RAD51B: variants seen among roughly 807,000 people sequenced by gnomAD.
RAD51B encodes RAD51 paralog B.
In RAD51B, 38 loss-of-function variants were observed where a neutral mutation model predicts 42.2. That is an observed-to-expected ratio of 0.90 (90% confidence interval 0.70 to 1.18). The LOEUF (loss-of-function observed/expected upper bound fraction) is 1.18. Among genes scored for constraint, RAD51B ranks in the 50% most tolerant of loss-of-function variants. RAD51B has a pLI of 0.00. For synonymous variants in RAD51B, 154 were observed against 145.2 expected (o/e 1.06, Z -0.43); for missense variants, 373 against 400.7 (o/e 0.93, Z 0.59).
intron 10 of RAD51B, among the ~76,000 whole-genome samples, chr14:68,621,591 G>A (rs975860875): frequency 5.3e-5 from 8 of 152,244 alleles, no homozygotes; most frequent in South Asian, 2.1e-4. Context: ...CTGGGGCAGA[G>A]CTAAGCTGGA....
At chr14:68,071,188 G>C (rs747759025) in intron 7 of RAD51B, among the ~76,000 whole-genome samples, 1 of 152,032 alleles carries the variant, frequency 6.6e-6, no homozygotes, top group African/African-American at 2.4e-5. Context: ...AGTTTCCCAG[G>C]TATAGTATCA....
At chr14:68,462,033 A>T (rs1392267077) in intron 9 of RAD51B, among the ~76,000 whole-genome samples, 1 of 152,230 alleles carries the variant, frequency 6.6e-6, no homozygotes, top group African/African-American at 2.4e-5. Context: ...GCCCTAGAGA[A>T]GGGAACAGAG....
chr14:68,363,068 A>G (rs977250460), intron 8 of RAD51B, among the ~76,000 whole-genome samples: 3 of 152,204 alleles, frequency 2.0e-5, no homozygotes, highest in African/African-American at 7.2e-5. Context: ...GAACCCAGCT[A>G]CTTTCAAATC....
chr14:68,595,708 A>T (rs779184604), exon 11 of RAD51B: 2 of 796,074 alleles, frequency 2.5e-6, no homozygotes, highest in Non-Finnish European at 1.6e-6. Flanking sequence ...CATCTATACG[A>T]TGGAATACTA....
At chr14:68,247,401 T>C (rs1160631743) in intron 7 of RAD51B, among the ~76,000 whole-genome samples, 1 of 152,236 alleles carries the variant, frequency 6.6e-6, no homozygotes, top group East Asian at 1.9e-4. Context: ...GCATGGTTAT[T>C]TTGTTTACCT....
intron 10 of RAD51B, among the ~76,000 whole-genome samples, chr14:68,560,600 G>A (rs531655847): frequency 2.0e-5 from 3 of 152,290 alleles, no homozygotes; most frequent in East Asian, 1.9e-4. Context: ...GCCGGGCATG[G>A]TGGTGAGCGC....
intron 7 of RAD51B, among the ~76,000 whole-genome samples, chr14:68,151,351 G>C (rs943679501): frequency 1.3e-5 from 2 of 150,964 alleles, no homozygotes; most frequent in Non-Finnish European, 3.0e-5. Flanking sequence ...TTTTCTCTTC[G>C]ATTTTGAGAA....
chr14:68,435,782 T>C (rs1315601188), intron 9 of RAD51B, among the ~76,000 whole-genome samples: 2 of 152,200 alleles, frequency 1.3e-5, no homozygotes, highest in Non-Finnish European at 2.9e-5. Context: ...TTAGTAATTT[T>C]GAGCATTTTT....
At chr14:68,332,045 C>G (rs916640119) in intron 8 of RAD51B, among the ~76,000 whole-genome samples, 2 of 152,086 alleles carry the variant, frequency 1.3e-5, no homozygotes, top group Non-Finnish European at 2.9e-5. Context: ...CAGCAAAACC[C>G]GACTTCCAAA....
chr14:68,249,483 A>G (rs1368607572), intron 7 of RAD51B, among the ~76,000 whole-genome samples: 3 of 152,218 alleles, frequency 2.0e-5, no homozygotes, highest in Non-Finnish European at 2.9e-5. Flanking sequence ...TGGAACCACA[A>G]TCGGATTTCA....
chr14:68,272,609 A>C, intron 7 of RAD51B, among the ~76,000 whole-genome samples: 1 of 104,884 alleles, frequency 9.5e-6, no homozygotes, highest in African/African-American at 3.8e-5. Context: ...ATGTTCTATT[A>C]CCATGGTATT....
intron 7 of RAD51B, among the ~76,000 whole-genome samples, chr14:68,193,948 G>A (rs1458248035): frequency 6.6e-6 from 1 of 152,128 alleles, no homozygotes; most frequent in Non-Finnish European, 1.5e-5. Context: ...ACACTCATTA[G>A]ACTGTTTACT....
intron 10 of RAD51B, among the ~76,000 whole-genome samples, chr14:68,586,878 G>A (rs1281096062): frequency 6.6e-6 from 1 of 152,062 alleles, no homozygotes; most frequent in Non-Finnish European, 1.5e-5. Context: ...GGTGGCGTGT[G>A]CCTGTAATCC....
At chr14:68,153,161 A>C (rs972182695) in intron 7 of RAD51B, among the ~76,000 whole-genome samples, 1 of 152,172 alleles carries the variant, frequency 6.6e-6, no homozygotes, top group Admixed American at 6.5e-5. Flanking sequence ...TTACTGTGCC[A>C]CTTTACGTAT....
intron 7 of RAD51B, among the ~76,000 whole-genome samples, chr14:68,013,468 G>A (rs2075721834): frequency 6.6e-6 from 1 of 152,104 alleles, no homozygotes; most frequent in Admixed American, 6.6e-5. Flanking sequence ...TACGGCTGAA[G>A]CCATTTTTGG....
At chr14:68,680,445 C>A (rs540625967) in intron 11 of RAD51B, among the ~76,000 whole-genome samples, 1 of 152,252 alleles carries the variant, frequency 6.6e-6, no homozygotes, top group African/African-American at 2.4e-5. Flanking sequence ...GTATTTATTA[C>A]CTTTTTAAAA....
chr14:68,249,133 G>A (rs1265242129), intron 7 of RAD51B, among the ~76,000 whole-genome samples: 2 of 152,196 alleles, frequency 1.3e-5, no homozygotes, highest in Admixed American at 6.5e-5. Context: ...AAATACTGCC[G>A]TGCAGTCGGT....
intron 9 of RAD51B, among the ~76,000 whole-genome samples, chr14:68,420,559 G>T (rs2084673354): frequency 6.6e-6 from 1 of 152,154 alleles, no homozygotes; most frequent in African/African-American, 2.4e-5. Context: ...ACTTCCTGAT[G>T]TTGTCATGCC....
chr14:68,606,648 A>T (rs1222318679), intron 10 of RAD51B, among the ~76,000 whole-genome samples: 1 of 152,198 alleles, frequency 6.6e-6, no homozygotes, highest in Non-Finnish European at 1.5e-5. Flanking sequence ...ACCCAGCCAC[A>T]AAGAGTTAAA....
Sources: allele counts gnomAD v4.1 joint callset (sites outside exome capture counted in the v4.1 genomes callset), GRCh38; gene constraint gnomAD v4.1.1; transcripts MANE v1.5; gene names NCBI Gene and HGNC (gene_info 2026-07-23, HGNC 2026-07-21).